Variants in DPP10 observed in about 807,000 individuals in gnomAD.
The protein encoded by DPP10 is inactive dipeptidyl peptidase 10.
DPP10 carries 33 observed loss-of-function variants against 120.9 expected under a neutral mutation model. That is an observed-to-expected ratio of 0.27 (90% CI 0.21 to 0.37). DPP10 has a LOEUF of 0.37. Ranked by LOEUF, DPP10 falls within the 10% of genes least tolerant of loss-of-function variation. The pLI, the probability that DPP10 is intolerant of heterozygous loss-of-function variation, is 1.00. For synonymous variants in DPP10, 337 were observed against 326.1 expected (o/e 1.03, Z -0.36); for missense variants, 816 against 942.8 (o/e 0.87, Z 1.76).
At chr2:115,183,110 A>T (rs1451401539) in intron 1 of DPP10, among the ~76,000 whole-genome samples, 1 of 152,228 alleles carries the variant, frequency 6.6e-6, no homozygotes, top group Non-Finnish European at 1.5e-5. Flanking sequence ...TTCCCTTGGA[A>T]TAATAAGCCT....
chr2:115,746,287 T>C, intron 10 of DPP10, 104 bp downstream of exon 10: 1 of 1,036,612 alleles, frequency 9.6e-7, no homozygotes, highest in East Asian at 2.6e-5. Context: ...ACAAATCCAC[T>C]TGAAAATAAA....
chr2:115,299,176 C>T (rs79447620), intron 1 of DPP10, among the ~76,000 whole-genome samples: 28 of 151,962 alleles, frequency 1.8e-4, no homozygotes, highest in Admixed American at 1.2e-3. Context: ...ATATCTTGTC[C>T]GTGTATTCTG....
At chr2:115,015,824 A>G (rs559184521) in intron 1 of DPP10, among the ~76,000 whole-genome samples, 120 of 152,314 alleles carry the variant, frequency 7.9e-4, no homozygotes, top group African/African-American at 2.8e-3. Flanking sequence ...AGAAAACTAC[A>G]AACCATTGCT....
chr2:114,811,671 A>G (rs1387754366), intron 1 of DPP10, among the ~76,000 whole-genome samples: 1 of 150,470 alleles, frequency 6.6e-6, no homozygotes, highest in Non-Finnish European at 1.5e-5. Flanking sequence ...CCCCACCACC[A>G]TCACCCCTTA....
chr2:114,759,568 AG>A (rs1680096069), intron 1 of DPP10, among the ~76,000 whole-genome samples: 1 of 151,402 alleles, frequency 6.6e-6, no homozygotes, highest in Non-Finnish European at 1.5e-5. Flanking sequence ...ATTTCTATGG[AG>A]TTCTTTGGGT....
chr2:115,289,377 C>G (rs573294158), intron 1 of DPP10, among the ~76,000 whole-genome samples: 3 of 151,140 alleles, frequency 2.0e-5, no homozygotes, highest in Admixed American at 6.6e-5. Context: ...AATGGCCATA[C>G]TGTCCAAAGC....
intron 3 of DPP10, among the ~76,000 whole-genome samples, chr2:115,378,869 T>C (rs2066038196): frequency 6.6e-6 from 1 of 152,198 alleles, no homozygotes; most frequent in South Asian, 2.1e-4. Flanking sequence ...GATTTGCATA[T>C]ATTGAACCAG....
chr2:115,088,772 A>G (rs1389073970), intron 1 of DPP10, among the ~76,000 whole-genome samples: 8 of 138,228 alleles, frequency 5.8e-5, no homozygotes, highest in Non-Finnish European at 1.3e-4. Context: ...AAAAAAAACC[A>G]AAAAACAAAA....
At chr2:114,895,925 G>T (rs1036535617) in intron 1 of DPP10, among the ~76,000 whole-genome samples, 1 of 152,144 alleles carries the variant, frequency 6.6e-6, no homozygotes, top group African/African-American at 2.4e-5. Flanking sequence ...GTGTAAGGAA[G>T]GGATCCAGTT....
intron 1 of DPP10, among the ~76,000 whole-genome samples, chr2:114,718,917 A>G (rs1051736836): frequency 6.6e-6 from 1 of 152,216 alleles, no homozygotes; most frequent in African/African-American, 2.4e-5. Flanking sequence ...TGGTAGTGAC[A>G]CACATTCTCA....
At chr2:114,923,754 C>T (rs1342120128) in intron 1 of DPP10, among the ~76,000 whole-genome samples, 1 of 65,984 alleles carries the variant, frequency 1.5e-5, no homozygotes, top group African/African-American at 6.7e-5. Context: ...GCGTGAGCCA[C>T]CGCACCTGGC....
chr2:115,723,115 A>G (rs563065882), intron 7 of DPP10, among the ~76,000 whole-genome samples: 33 of 152,278 alleles, frequency 2.2e-4, no homozygotes, highest in African/African-American at 7.0e-4. Context: ...TGAGAAGACT[A>G]TTTTGAAAGG....
At chr2:115,237,965 C>A (rs1371965785) in intron 1 of DPP10, among the ~76,000 whole-genome samples, 1 of 152,122 alleles carries the variant, frequency 6.6e-6, no homozygotes, top group Non-Finnish European at 1.5e-5. Context: ...CACAGCAAAC[C>A]GGTTATCCAG....
intron 3 of DPP10, among the ~76,000 whole-genome samples, chr2:115,352,103 G>C (rs1390132802): frequency 1.3e-5 from 2 of 151,918 alleles, no homozygotes; most frequent in African/African-American, 2.4e-5. Context: ...GAACAAAAAA[G>C]TATGTAAGAA....
chr2:114,854,702 A>G (rs1221575877), intron 1 of DPP10, among the ~76,000 whole-genome samples: 1 of 152,220 alleles, frequency 6.6e-6, no homozygotes, highest in Non-Finnish European at 1.5e-5. Flanking sequence ...GAGCTCCAGA[A>G]TATTGCCATT....
intron 1 of DPP10, among the ~76,000 whole-genome samples, chr2:115,139,174 T>A (rs1376559739): frequency 6.6e-6 from 1 of 152,174 alleles, no homozygotes; most frequent in Non-Finnish European, 1.5e-5. Flanking sequence ...AATAGGGAAC[T>A]TGGAAATATG....
intron 3 of DPP10, among the ~76,000 whole-genome samples, chr2:115,360,175 T>C (rs984228302): frequency 5.9e-5 from 9 of 152,372 alleles, no homozygotes; most frequent in Admixed American, 2.0e-4. Context: ...GAGGAGATAC[T>C]CTGACTTTTT....
chr2:115,560,232 G>A (rs148830470), intron 5 of DPP10, among the ~76,000 whole-genome samples: 2,566 of 148,638 alleles, frequency 0.017, 76 homozygotes, highest in African/African-American at 0.06. Context: ...TTAGCCAGGT[G>A]TGGTGGCTGG....
At chr2:114,870,113 A>G (rs12471830) in intron 1 of DPP10, among the ~76,000 whole-genome samples, 44,814 of 152,044 alleles carry the variant, frequency 0.29, 7,331 homozygotes, top group South Asian at 0.48. Flanking sequence ...ATCTCAACAA[A>G]AAATACTGCC....
Sources: allele counts gnomAD v4.1 joint callset (sites outside exome capture counted in the v4.1 genomes callset), GRCh38; gene constraint gnomAD v4.1.1; transcripts MANE v1.5; gene names NCBI Gene and HGNC (gene_info 2026-07-23, HGNC 2026-07-21).